CSMD1: variants seen among roughly 807,000 people sequenced by gnomAD.
CSMD1 encodes CUB and Sushi multiple domains 1.
CSMD1 carries 213 observed loss-of-function variants against 417.5 expected under a neutral mutation model. The observed-to-expected ratio is 0.51, with a 90% CI of 0.46 to 0.57. CSMD1 has a LOEUF of 0.57. Among genes scored for constraint, CSMD1 ranks in the 20% least tolerant of loss-of-function variants. The probability of loss-of-function intolerance (pLI) is 0.00; values close to 1 mark genes in which losing one functional copy is unlikely to be tolerated. For missense variants in CSMD1, 6,923 were observed against 4,529.7 expected, an observed-to-expected ratio of 1.53 and a Z score of -15.17; for synonymous variants, 2,862 against 1,736.8, an observed-to-expected ratio of 1.65 and a Z score of -16.11.
intron 21 of CSMD1, among the ~76,000 whole-genome samples, chr8:3,351,180 C>T (rs1054696100): frequency 6.6e-6 from 1 of 152,166 alleles, no homozygotes; most frequent in Non-Finnish European, 1.5e-5. Context: ...GTAGCTATAA[C>T]TGAATGTGAA....
At chr8:3,097,764 T>C (rs1267246548) in intron 46 of CSMD1, among the ~76,000 whole-genome samples, 1 of 151,144 alleles carries the variant, frequency 6.6e-6, no homozygotes, top group Non-Finnish European at 1.5e-5. Flanking sequence ...GGATCGGGGG[T>C]GGGGGGAACT....
intron 3 of CSMD1, among the ~76,000 whole-genome samples, chr8:4,302,531 T>A (rs1010299088): frequency 6.6e-6 from 1 of 152,144 alleles, no homozygotes; most frequent in African/African-American, 2.4e-5. Context: ...GGAAGTCAGA[T>A]TAAGAGACCG....
intron 3 of CSMD1, among the ~76,000 whole-genome samples, chr8:4,298,187 C>T (rs955333734): frequency 3.9e-5 from 6 of 152,086 alleles, no homozygotes; most frequent in African/African-American, 1.4e-4. Context: ...AGGAATCTGC[C>T]TTAGTTAAAT....
chr8:4,000,801 G>A (rs1167938299), intron 4 of CSMD1, among the ~76,000 whole-genome samples: 1 of 151,678 alleles, frequency 6.6e-6, no homozygotes, highest in African/African-American at 2.4e-5. Flanking sequence ...TACTACAAAA[G>A]TTATGGCATC....
At chr8:4,040,303 C>A (rs1339025470) in intron 3 of CSMD1, among the ~76,000 whole-genome samples, 1 of 152,148 alleles carries the variant, frequency 6.6e-6, no homozygotes, top group Non-Finnish European at 1.5e-5. Context: ...AGACACTGTT[C>A]CAAGTCGTTT....
intron 2 of CSMD1, among the ~76,000 whole-genome samples, chr8:4,440,586 C>G (rs1460198156): frequency 3.3e-5 from 5 of 152,166 alleles, no homozygotes; most frequent in Admixed American, 1.3e-4. Flanking sequence ...GCAAAACCAA[C>G]TTTAGCATTT....
chr8:2,973,387 G>A (rs1804632687), intron 56 of CSMD1, 88 bp from the exon 57 acceptor site: 3 of 1,335,066 alleles, frequency 2.2e-6, no homozygotes, highest in Non-Finnish European at 3.1e-6. Context: ...ATGAAAAGTT[G>A]TTGAAATTTG....
intron 10 of CSMD1, among the ~76,000 whole-genome samples, chr8:3,520,019 C>CATATATATATATATATATATATATATAT (rs1491479503): frequency 2.6e-4 from 30 of 114,012 alleles, no homozygotes; most frequent in African/African-American, 1.2e-3. Flanking sequence ...TGTGTATATA[C>CATATATATATATATATATATATATATAT]CTATATATAT....
At chr8:3,858,167 C>G (rs17067770) in intron 5 of CSMD1, among the ~76,000 whole-genome samples, 2,516 of 152,238 alleles carry the variant, frequency 0.017, 63 homozygotes, top group African/African-American at 0.058. Flanking sequence ...GGCTTTTTGT[C>G]AATTAAGTAA....
chr8:4,867,216 G>C (rs1313300896), intron 1 of CSMD1, among the ~76,000 whole-genome samples: 1 of 152,018 alleles, frequency 6.6e-6, no homozygotes, highest in Non-Finnish European at 1.5e-5. Flanking sequence ...CATTTGCCAA[G>C]CTAAGAAAGC....
chr8:3,299,712 G>C (rs191260372), intron 25 of CSMD1, among the ~76,000 whole-genome samples: 1 of 152,304 alleles, frequency 6.6e-6, no homozygotes, highest in East Asian at 1.9e-4. Flanking sequence ...AGTGCACAGA[G>C]AAGAGGAAGT....
chr8:3,462,564 C>G (rs1383102978), intron 12 of CSMD1, among the ~76,000 whole-genome samples: 4 of 152,180 alleles, frequency 2.6e-5, no homozygotes, highest in Admixed American at 2.0e-4. Flanking sequence ...TCACTGTCTC[C>G]CATCACCCAG....
chr8:3,443,262 G>A (rs1815103671), intron 12 of CSMD1, among the ~76,000 whole-genome samples: 1 of 152,184 alleles, frequency 6.6e-6, no homozygotes, highest in East Asian at 1.9e-4. Context: ...CAATAGATGG[G>A]TTGGAAGACT....
At chr8:3,667,680 C>A (rs1018440783) in intron 7 of CSMD1, among the ~76,000 whole-genome samples, 1 of 152,108 alleles carries the variant, frequency 6.6e-6, no homozygotes, top group Non-Finnish European at 1.5e-5. Context: ...GTTGTCCACG[C>A]ATGGTGATGA....
At chr8:3,334,948 C>G (rs966160096) in intron 23 of CSMD1, among the ~76,000 whole-genome samples, 3 of 152,216 alleles carry the variant, frequency 2.0e-5, no homozygotes, top group African/African-American at 7.2e-5. Context: ...CCTAGTCCAA[C>G]GAGCCTTCTC....
chr8:3,266,376 C>A lies in CSMD1; in HGVS notation c.4153+17768G>T, dbSNP rs572730928. ...ATCCCAGCACTGTGGGAGGCTGAGG[C>A]GGGTGGATCACCTGAGACTAGGAGA... On this transcript the variant is annotated intron_variant, in intron 26 of 69. Coordinates refer to ENST00000635120, the MANE Select transcript of CSMD1 (RefSeq NM_033225.6). Among the ~76,000 whole-genome samples the A allele has an allele frequency of 2.6e-5, 4 of 151,622 alleles. No individual in the cohort carries two copies. The South Asian group carries it at 8.3e-4, about 32-fold the overall frequency.
At chr8:3,948,355 G>A (rs372174818) in intron 5 of CSMD1, among the ~76,000 whole-genome samples, 1 of 152,150 alleles carries the variant, frequency 6.6e-6, no homozygotes, top group African/African-American at 2.4e-5. Context: ...TTTAATAAAT[G>A]ACTGAAGAGC....
intron 3 of CSMD1, among the ~76,000 whole-genome samples, chr8:4,413,985 A>T (rs1230207286): frequency 2.6e-5 from 4 of 152,170 alleles, no homozygotes; most frequent in Non-Finnish European, 5.9e-5. Flanking sequence ...ACAATGTTAC[A>T]CTATGGGCTA....
intron 5 of CSMD1, among the ~76,000 whole-genome samples, chr8:3,784,539 G>C (rs77982878): frequency 0.096 from 14,555 of 152,100 alleles, 928 homozygotes; most frequent in African/African-American, 0.18. Flanking sequence ...ACACCAACTG[G>C]TCCCTCATGG....
Sources: allele counts gnomAD v4.1 joint callset (sites outside exome capture counted in the v4.1 genomes callset), GRCh38; gene constraint gnomAD v4.1.1; transcripts MANE v1.5; gene names NCBI Gene and HGNC (gene_info 2026-07-23, HGNC 2026-07-21).